POFUT3: variants seen among roughly 807,000 people sequenced by gnomAD.
POFUT3 encodes the protein protein O-fucosyltransferase 3.
the POFUT3 span, among the ~76,000 whole-genome samples, chr8:33,427,348 C>T: frequency 5.3e-5 from 8 of 151,726 alleles, no homozygotes; most frequent in Non-Finnish European, 7.4e-5. Context: ...GAGGCCGAGG[C>T]GGGCAGATCA....
the POFUT3 span, among the ~76,000 whole-genome samples, chr8:33,342,992 A>C: frequency 6.6e-6 from 1 of 151,968 alleles, no homozygotes; most frequent in African/African-American, 2.4e-5. Flanking sequence ...CTGTAATCCC[A>C]GCTACTCGGG....
chr8:33,461,636 T>G, the POFUT3 span: 1 of 1,527,540 alleles, frequency 6.5e-7, no homozygotes, highest in Non-Finnish European at 8.8e-7. Flanking sequence ...AGGGTCTGGC[T>G]TGGCATCGAG....
At chr8:33,372,375 T>C in the POFUT3 span, 1 of 1,349,618 alleles carries the variant, frequency 7.4e-7, no homozygotes, top group Non-Finnish European at 9.5e-7. Flanking sequence ...AATATTTCCT[T>C]TTTTAGTATA....
the POFUT3 span, among the ~76,000 whole-genome samples, chr8:33,320,296 G>T: frequency 6.6e-6 from 1 of 151,990 alleles, no homozygotes; most frequent in Non-Finnish European, 1.5e-5. Context: ...ACAAAATAAA[G>T]TTATGATCAA....
chr8:33,444,405 T>A, the POFUT3 span, among the ~76,000 whole-genome samples: 2 of 152,094 alleles, frequency 1.3e-5, no homozygotes, highest in South Asian at 2.1e-4. Flanking sequence ...GGGATAAGCA[T>A]GGGCAGAACG....
chr8:33,357,916 T>A, the POFUT3 span, among the ~76,000 whole-genome samples: 1 of 152,148 alleles, frequency 6.6e-6, no homozygotes, highest in Non-Finnish European at 1.5e-5. Context: ...AACCTAATCA[T>A]GAGAAGGCAA....
chr8:33,460,293 T>C, the POFUT3 span, among the ~76,000 whole-genome samples: 7,637 of 151,888 alleles, frequency 0.05, 324 homozygotes, highest in African/African-American at 0.11. Context: ...AGGTCGAGGC[T>C]GCAGTGAGCC....
the POFUT3 span, among the ~76,000 whole-genome samples, chr8:33,368,645 A>C: frequency 6.6e-6 from 1 of 152,286 alleles, no homozygotes; most frequent in African/African-American, 2.4e-5. Context: ...TATTGCAAGC[A>C]CATTGAATAG....
At chr8:33,407,948 A>G in the POFUT3 span, among the ~76,000 whole-genome samples, 503 of 147,482 alleles carry the variant, frequency 3.4e-3, 2 homozygotes, top group Middle Eastern at 0.015. Flanking sequence ...AGATGGCACC[A>G]CTGCACTCCA....
chr8:33,457,517 T>C, the POFUT3 span, among the ~76,000 whole-genome samples: 1 of 152,024 alleles, frequency 6.6e-6, no homozygotes, highest in Non-Finnish European at 1.5e-5. Flanking sequence ...CAACTCATTA[T>C]GAAAATTCTT....
the POFUT3 span, among the ~76,000 whole-genome samples, chr8:33,439,665 A>T: frequency 4.6e-5 from 7 of 151,766 alleles, no homozygotes; most frequent in Non-Finnish European, 8.8e-5. Context: ...CAGGAATTCA[A>T]CACCAGCCTG....
chr8:33,354,933 G>A, the POFUT3 span, among the ~76,000 whole-genome samples: 7 of 152,206 alleles, frequency 4.6e-5, no homozygotes, highest in East Asian at 1.2e-3. Flanking sequence ...TTACCATAGC[G>A]GCACTTCCGA....
chr8:33,384,594 T>C, the POFUT3 span, among the ~76,000 whole-genome samples: 1 of 151,906 alleles, frequency 6.6e-6, no homozygotes, highest in South Asian at 2.1e-4. Context: ...CCGAGGTGGG[T>C]GGACCACCTG....
At chr8:33,342,864 G>T in the POFUT3 span, among the ~76,000 whole-genome samples, 1 of 152,258 alleles carries the variant, frequency 6.6e-6, no homozygotes, top group Non-Finnish European at 1.5e-5. Flanking sequence ...CCAGCACTTT[G>T]GGATGCCGAG....
the POFUT3 span, among the ~76,000 whole-genome samples, chr8:33,457,023 C>T: frequency 1.3e-5 from 2 of 152,090 alleles, no homozygotes; most frequent in Non-Finnish European, 1.5e-5. Flanking sequence ...CCCACCTCAG[C>T]CTCCTAAAGT....
At chr8:33,442,854 T>C in the POFUT3 span, among the ~76,000 whole-genome samples, 2 of 152,210 alleles carry the variant, frequency 1.3e-5, no homozygotes, top group Non-Finnish European at 2.9e-5. Context: ...GCTAAAAATG[T>C]AAGTTCATAA....
chr8:33,388,368 G>A, the POFUT3 span, among the ~76,000 whole-genome samples: 5,763 of 124,226 alleles, frequency 0.046, 409 homozygotes, highest in African/African-American at 0.16. Flanking sequence ...ACAGAGTCTC[G>A]CTCTGTCGCC....
the POFUT3 span, among the ~76,000 whole-genome samples, chr8:33,454,223 G>A: frequency 4.7e-4 from 72 of 152,304 alleles, 1 homozygote; most frequent in South Asian, 0.015. Flanking sequence ...AGACCCAGGG[G>A]TCAGCAGGGC....
At chr8:33,453,305 C>T in the POFUT3 span, 3 of 1,614,088 alleles carry the variant, frequency 1.9e-6, no homozygotes, top group Admixed American at 1.7e-5. Flanking sequence ...TTGGCCTAAC[C>T]TCCCAGTCTC....
Sources: gnomAD v4.1 joint callset for allele counts (sites outside exome capture counted in the v4.1 genomes callset) on GRCh38, gnomAD v4.1.1 for gene constraint, MANE v1.5 for transcripts, NCBI Gene and HGNC (gene_info 2026-07-23, HGNC 2026-07-21) for gene names.